DHRS7B: variants seen among roughly 807,000 people sequenced by gnomAD.
DHRS7B encodes the protein peroxisomal reductase activating PPAR-gamma.
A neutral mutation model predicts 26.4 loss-of-function variants in DHRS7B; 24 were observed. The observed-to-expected ratio is 0.91, with a 90% CI of 0.66 to 1.28. The LOEUF (loss-of-function observed/expected upper bound fraction) is 1.28. Ranked by LOEUF, DHRS7B falls within the 50% of genes most tolerant of loss-of-function variation. The pLI, the probability that DHRS7B is intolerant of heterozygous loss-of-function variation, is 0.00. For missense variants in DHRS7B, 368 were observed against 419.4 expected, an observed-to-expected ratio of 0.88 and a Z score of 1.07; for synonymous variants, 142 against 166.4, an observed-to-expected ratio of 0.85 and a Z score of 1.13.
intron 5 of DHRS7B, among the ~76,000 whole-genome samples, chr17:21,184,922 T>C (rs1974598601): frequency 6.6e-6 from 1 of 152,254 alleles, no homozygotes; most frequent in African/African-American, 2.4e-5. Flanking sequence ...TTATTCATAT[T>C]GCTTTGTGGC....
At chr17:21,127,865 G>C (rs1468162512) in intron 1 of DHRS7B, 1 of 152,168 alleles carries the variant, frequency 6.6e-6, no homozygotes, top group Non-Finnish European at 1.5e-5. Flanking sequence ...CGATTGCAAC[G>C]GTGTGTTTGC....
At chr17:21,173,874 C>T (rs1328310861) in intron 2 of DHRS7B, among the ~76,000 whole-genome samples, 1 of 152,194 alleles carries the variant, frequency 6.6e-6, no homozygotes, top group East Asian at 1.9e-4. Flanking sequence ...CTCTGAGTCG[C>T]AAGTGCTCCC....
At chr17:21,162,613 G>C (rs537411737) in intron 1 of DHRS7B, among the ~76,000 whole-genome samples, 1 of 152,304 alleles carries the variant, frequency 6.6e-6, no homozygotes, top group African/African-American at 2.4e-5. Flanking sequence ...GATGTTTTGT[G>C]AGATGCTATG....
intron 1 of DHRS7B, among the ~76,000 whole-genome samples, chr17:21,163,181 GC>G (rs1974036036): frequency 7.0e-6 from 1 of 142,474 alleles, no homozygotes. Flanking sequence ...GGGTGACAGA[GC>G]AAGACTGTCT....
chr17:21,131,971 G>A (rs1467528808), intron 1 of DHRS7B, among the ~76,000 whole-genome samples: 7 of 152,168 alleles, frequency 4.6e-5, no homozygotes, highest in Non-Finnish European at 8.8e-5. Context: ...AAACTGTACT[G>A]AGTTCCTATT....
intron 1 of DHRS7B, among the ~76,000 whole-genome samples, chr17:21,134,756 T>C (rs1407022182): frequency 6.6e-6 from 1 of 152,202 alleles, no homozygotes; most frequent in Non-Finnish European, 1.5e-5. Flanking sequence ...GAAACAAATA[T>C]GTTCCAAATT....
intron 3 of DHRS7B, among the ~76,000 whole-genome samples, chr17:21,182,436 C>T (rs1015924675): frequency 3.9e-5 from 6 of 152,016 alleles, no homozygotes; most frequent in South Asian, 4.1e-4. Flanking sequence ...TTAGTAGAGA[C>T]GGGGGTTTCT....
At chr17:21,165,952 A>G (rs1037369684) in intron 1 of DHRS7B, among the ~76,000 whole-genome samples, 7 of 151,812 alleles carry the variant, frequency 4.6e-5, no homozygotes, top group Non-Finnish European at 1.0e-4. Flanking sequence ...AAAAACCAAA[A>G]TTGTGTGTGT....
rs1042542004 is a variant in DHRS7B at position 21,178,771 on chromosome 17, G to A, written c.309+429G>A. ...CCCCCTGGGTTCAAGCGATTCTTCCGCCTCAGCCTCCTGAGTAGCTGGGAT... is the reference window on the plus strand; with the variant it reads ...CCCCCTGGGTTCAAGCGATTCTTCCACCTCAGCCTCCTGAGTAGCTGGGAT... On this transcript the variant is annotated intron_variant, in intron 3 of 6. Coordinates refer to ENST00000395511, the MANE Select transcript of DHRS7B (RefSeq NM_015510.5). 3.4e-5 allele frequency among the ~76,000 whole-genome samples: 5 copies of A among 149,230 alleles called. No homozygotes were observed. In the Admixed American group the frequency reaches 3.4e-4, roughly 10 times the overall value.
rs118084662 is a variant in DHRS7B at position 21,169,976 on chromosome 17, A to G, written c.21-2042A>G. Among the ~76,000 whole-genome samples the G allele has an allele frequency of 5.2e-4, 79 of 152,184 alleles. 1 individual carries two copies. In the East Asian group the frequency reaches 0.015, roughly 28 times the overall value. ...GACCTACCTGGTACAAAGACCTGGG[A>G]TTGCAGTGAGAAAAAAGCTTTTACC... On this transcript the variant is annotated intron_variant, in intron 1 of 6. Transcript: ENST00000395511.
chr17:21,127,252 G>C, intron 1 of DHRS7B: 1 of 465,882 alleles, frequency 2.1e-6, no homozygotes, highest in African/African-American at 2.0e-5. Context: ...AGTTTCCGCT[G>C]CTGGGAATGG....
intron 1 of DHRS7B, among the ~76,000 whole-genome samples, chr17:21,154,291 CAA>C (rs1204294715): frequency 1.3e-5 from 2 of 149,960 alleles, no homozygotes; most frequent in Non-Finnish European, 1.5e-5. Flanking sequence ...GCCTGGGAGA[CAA>C]GAGCCAAGCT....
intron 3 of DHRS7B, among the ~76,000 whole-genome samples, chr17:21,181,477 G>A (rs924939039): frequency 9.8e-5 from 15 of 152,352 alleles, no homozygotes; most frequent in African/African-American, 3.4e-4. Context: ...AGGGTCTGGT[G>A]TCTGGCAGGG....
intron 2 of DHRS7B, among the ~76,000 whole-genome samples, chr17:21,174,888 T>G (rs1204347664): frequency 6.6e-6 from 1 of 152,182 alleles, no homozygotes. Flanking sequence ...ATCACCCCCC[T>G]CATTCCTGTG....
chr17:21,148,468 C>G (rs991740650), intron 1 of DHRS7B, among the ~76,000 whole-genome samples: 1 of 152,052 alleles, frequency 6.6e-6, no homozygotes, highest in Non-Finnish European at 1.5e-5. Flanking sequence ...AATACACGGC[C>G]AGGCACAGTG....
At chr17:21,187,810 A>T (rs1384979680) in intron 5 of DHRS7B, among the ~76,000 whole-genome samples, 1 of 148,386 alleles carries the variant, frequency 6.7e-6, no homozygotes, top group Non-Finnish European at 1.5e-5. Context: ...GTAGTCATTC[A>T]GTTTTTTTTG....
Position 21,138,207 on chromosome 17 carries a change from C to G in DHRS7B, c.20+11216C>G, listed in dbSNP as rs531775653. On this transcript the variant is annotated intron_variant, in intron 1 of 6. Transcript: ENST00000395511. Reference sequence around the variant, plus strand: ...TCATTTGTCTTGAACATCCATCCCTCCTTCTTTTTTTTTTTTTTTTTTTTT... The same window carrying G: ...TCATTTGTCTTGAACATCCATCCCTGCTTCTTTTTTTTTTTTTTTTTTTTT... 2.0e-3 allele frequency among the ~76,000 whole-genome samples: 234 copies of G among 117,580 alleles called. 1 individual carries two copies. The highest frequency in any genetic ancestry group is 7.3e-3 in the African/African-American group (228 of 31,148). 77.1% of individuals were successfully genotyped at this position (117,580 alleles called of 152,430 possible).
chr17:21,183,847 T>C (rs183055899), intron 4 of DHRS7B, 37 bp downstream of exon 4: 7 of 1,566,056 alleles, frequency 4.5e-6, no homozygotes, highest in African/African-American at 1.4e-5. Flanking sequence ...ATAAGTGATA[T>C]GTTGGCATTC....
intron 1 of DHRS7B, chr17:21,166,466 T>A: frequency 4.1e-6 from 4 of 984,480 alleles, no homozygotes; most frequent in Non-Finnish European, 4.8e-6. Flanking sequence ...GTAGCTGCCA[T>A]CTGAGGTAGG....
Sources: gnomAD v4.1 joint callset for allele counts (sites outside exome capture counted in the v4.1 genomes callset) on GRCh38, gnomAD v4.1.1 for gene constraint, MANE v1.5 for transcripts, NCBI Gene and HGNC (gene_info 2026-07-23, HGNC 2026-07-21) for gene names.